The following NFIB variants were observed in gnomAD, a reference collection of about 807,000 sequenced individuals.
NFIB encodes nuclear factor 1 B-type.
In NFIB, 11 loss-of-function variants were observed where a neutral mutation model predicts 61.5. The observed-to-expected ratio is 0.18, with a 90% confidence interval of 0.11 to 0.30. NFIB has a LOEUF of 0.30. Ranked by LOEUF, NFIB falls within the 10% of genes least tolerant of loss-of-function variation. The pLI is 1.00. For missense variants in NFIB, 471 were observed against 608.9 expected, an observed-to-expected ratio of 0.77 and a Z score of 2.38; for synonymous variants, 260 against 216.5, an observed-to-expected ratio of 1.20 and a Z score of -1.76.
chr9:14,441,845 C>A, the NFIB span, among the ~76,000 whole-genome samples: 1 of 152,174 alleles, frequency 6.6e-6, no homozygotes, highest in Admixed American at 6.5e-5. Context: ...ATTACAGACC[C>A]TTTGTACAGT....
At chr9:14,158,121 A>AC (rs2131241686) in intron 3 of NFIB, among the ~76,000 whole-genome samples, 1 of 151,922 alleles carries the variant, frequency 6.6e-6, no homozygotes, top group South Asian at 2.1e-4. Flanking sequence ...AAAAAAAAAA[A>AC]AAAAACAAAA....
chr9:14,467,706 C>G, the NFIB span, among the ~76,000 whole-genome samples: 1 of 152,130 alleles, frequency 6.6e-6, no homozygotes, highest in African/African-American at 2.4e-5. Context: ...TTATCAAACA[C>G]CTACCATAGG....
At chr9:14,212,014 T>C (rs1563906411) in intron 2 of NFIB, among the ~76,000 whole-genome samples, 1 of 152,230 alleles carries the variant, frequency 6.6e-6, no homozygotes, top group African/African-American at 2.4e-5. Flanking sequence ...AAATGGAATA[T>C]GGCCTTAGTG....
At chr9:14,464,978 G>C in the NFIB span, among the ~76,000 whole-genome samples, 1 of 152,034 alleles carries the variant, frequency 6.6e-6, no homozygotes, top group African/African-American at 2.4e-5. Flanking sequence ...TATGAACATG[G>C]GAGTGCCATG....
Position 14,366,932 on chromosome 9 carries a change from C to T in NFIB, c.108+31592G>A, listed in dbSNP as rs1305099015. On this transcript the variant is annotated intron_variant, in intron 1 of 8. Transcript: ENST00000380934. The stretch of plus-strand genomic sequence containing the variant: ...GGCACCTCCAGCTTTTCTTCTTTAC[C>T]TCCTACTTCAGAGGGCCCTGTTTTC... 1.3e-5 allele frequency among the ~76,000 whole-genome samples: 2 copies of T among 151,948 alleles called. 1 individual carries two copies. The highest frequency in any genetic ancestry group is 1.3e-4 in the Admixed American group (2 of 15,256).
the NFIB span, among the ~76,000 whole-genome samples, chr9:14,476,660 T>C: frequency 2.6e-5 from 4 of 152,160 alleles, no homozygotes; most frequent in Non-Finnish European, 4.4e-5. Context: ...CAAGGGAATT[T>C]AGTCATCTGT....
intron 3 of NFIB, among the ~76,000 whole-genome samples, chr9:14,179,324 C>G (rs1048069168): frequency 6.6e-6 from 1 of 152,092 alleles, no homozygotes; most frequent in Non-Finnish European, 1.5e-5. Context: ...CACTCCCACC[C>G]CCAACCCCCT....
upstream of NFIB, among the ~76,000 whole-genome samples, chr9:14,400,634 T>C (rs530052338): frequency 2.0e-5 from 3 of 152,236 alleles, no homozygotes; most frequent in South Asian, 2.1e-4. Flanking sequence ...ATAATAACTA[T>C]TGAATAATGC....
intron 1 of NFIB, among the ~76,000 whole-genome samples, chr9:14,322,616 G>T (rs904770645): frequency 2.0e-5 from 3 of 152,146 alleles, no homozygotes; most frequent in Admixed American, 6.5e-5. Flanking sequence ...CTGGGCGCGC[G>T]GGAAGCGCGG....
chr9:14,144,919 AG>A (rs2042119703), intron 6 of NFIB, among the ~76,000 whole-genome samples: 1 of 152,228 alleles, frequency 6.6e-6, no homozygotes, highest in African/African-American at 2.4e-5. Flanking sequence ...AAGAGGAAGC[AG>A]AATGTCACCT....
At chr9:14,354,798 G>T (rs2061156067) in intron 1 of NFIB, among the ~76,000 whole-genome samples, 1 of 151,842 alleles carries the variant, frequency 6.6e-6, no homozygotes, top group Non-Finnish European at 1.5e-5. Context: ...GTGTGTGTGT[G>T]TGTGTGTGTG....
chr9:14,433,698 A>G, the NFIB span, among the ~76,000 whole-genome samples: 21 of 152,338 alleles, frequency 1.4e-4, no homozygotes, highest in African/African-American at 5.1e-4. Flanking sequence ...CATGCCCACT[A>G]CACTCCAGTT....
the NFIB span, among the ~76,000 whole-genome samples, chr9:14,473,746 A>G: frequency 6.6e-6 from 1 of 152,226 alleles, no homozygotes; most frequent in Non-Finnish European, 1.5e-5. Context: ...ACACAAATGC[A>G]CTTGCCTTTA....
chr9:14,452,727 A>C, the NFIB span, among the ~76,000 whole-genome samples: 1 of 152,218 alleles, frequency 6.6e-6, no homozygotes, highest in Non-Finnish European at 1.5e-5. Context: ...AGCTAAACAA[A>C]TATCTGCCAA....
intron 1 of NFIB, among the ~76,000 whole-genome samples, chr9:14,329,135 G>GTTCTTGA (rs1224391815): frequency 6.6e-6 from 1 of 152,104 alleles, no homozygotes; most frequent in Admixed American, 6.6e-5. Flanking sequence ...TAAGTGTACA[G>GTTCTTGA]TTCTTGATCT....
At chr9:14,325,814 G>A (rs1251883416) in intron 1 of NFIB, among the ~76,000 whole-genome samples, 1 of 151,540 alleles carries the variant, frequency 6.6e-6, no homozygotes, top group African/African-American at 2.4e-5. Flanking sequence ...TAAAACAATT[G>A]GATATTGAAA....
intron 1 of NFIB, among the ~76,000 whole-genome samples, chr9:14,355,886 G>A (rs1278561902): frequency 1.3e-5 from 2 of 152,038 alleles, no homozygotes; most frequent in Non-Finnish European, 2.9e-5. Context: ...GAACCCGGGA[G>A]GCGGAGCTTG....
chr9:14,413,810 C>G, the NFIB span, among the ~76,000 whole-genome samples: 1 of 152,230 alleles, frequency 6.6e-6, no homozygotes, highest in Non-Finnish European at 1.5e-5. Flanking sequence ...CATCCATTGA[C>G]CATGTCAGGC....
chr9:14,486,890 A>G, the NFIB span, among the ~76,000 whole-genome samples: 1 of 152,188 alleles, frequency 6.6e-6, no homozygotes, highest in African/African-American at 2.4e-5. Context: ...TAAAATTATA[A>G]AAATGATAAA....
Sources: allele counts gnomAD v4.1 joint callset (sites outside exome capture counted in the v4.1 genomes callset), GRCh38; gene constraint gnomAD v4.1.1; transcripts MANE v1.5; gene names NCBI Gene and HGNC (gene_info 2026-07-23, HGNC 2026-07-21).